PDE11A: variants seen among roughly 807,000 people sequenced by gnomAD.
PDE11A encodes dual 3',5'-cyclic-AMP and -GMP phosphodiesterase 11A.
A neutral mutation model predicts 100.5 loss-of-function variants in PDE11A; 100 were observed. The ratio of observed to expected loss-of-function variants is 1.00; its 90% CI spans 0.85 to 1.18. The LOEUF is 1.18. Among genes scored for constraint, PDE11A ranks in the 50% most tolerant of loss-of-function variants. The probability of loss-of-function intolerance (pLI) is 0.00; values close to 1 mark genes in which losing one functional copy is unlikely to be tolerated. For missense variants in PDE11A, 1,141 were observed against 1,152.6 expected (o/e 0.99, Z 0.15); for synonymous variants, 381 against 420.8 (o/e 0.91, Z 1.16).
intron 4 of PDE11A, among the ~76,000 whole-genome samples, chr2:177,889,831 T>C (rs1433470804): frequency 1.3e-5 from 2 of 152,176 alleles, no homozygotes; most frequent in African/African-American, 4.8e-5. Flanking sequence ...GAGATCTTAT[T>C]ATTTTTTATC....
intron 5 of PDE11A, among the ~76,000 whole-genome samples, chr2:177,873,041 C>T (rs894019274): frequency 1.3e-5 from 2 of 152,116 alleles, no homozygotes; most frequent in African/African-American, 4.8e-5. Context: ...AAAACCTGAC[C>T]TTTCTTTCTG....
chr2:178,056,406 T>C (rs2086899883), intron 1 of PDE11A, among the ~76,000 whole-genome samples: 1 of 152,178 alleles, frequency 6.6e-6, no homozygotes, highest in East Asian at 1.9e-4. Context: ...GATACCAGGC[T>C]AAGAGATATA....
upstream of PDE11A, among the ~76,000 whole-genome samples, chr2:178,075,016 T>C (rs1394428947): frequency 6.6e-6 from 1 of 152,058 alleles, no homozygotes; most frequent in Non-Finnish European, 1.5e-5. Flanking sequence ...TTAGTCATAG[T>C]CCCAACAGGA....
chr2:178,049,556 G>A (rs1286255649), intron 1 of PDE11A, among the ~76,000 whole-genome samples: 1 of 152,210 alleles, frequency 6.6e-6, no homozygotes, highest in Non-Finnish European at 1.5e-5. Flanking sequence ...GCAAGGCATC[G>A]CCTCACCTGG....
intron 1 of PDE11A, among the ~76,000 whole-genome samples, chr2:178,027,096 T>C (rs1264190863): frequency 6.6e-6 from 1 of 152,176 alleles, no homozygotes; most frequent in Non-Finnish European, 1.5e-5. Flanking sequence ...CTAATGAGAA[T>C]ATAAATTAGT....
intron 2 of PDE11A, among the ~76,000 whole-genome samples, chr2:177,908,463 T>C (rs2084825467): frequency 6.6e-6 from 1 of 152,096 alleles, no homozygotes; most frequent in East Asian, 1.9e-4. Context: ...TGTCAGCAGG[T>C]AGCAGGGCCC....
At chr2:177,674,617 TC>T (rs1160700678) in intron 17 of PDE11A, among the ~76,000 whole-genome samples, 2 of 152,228 alleles carry the variant, frequency 1.3e-5, no homozygotes, top group Non-Finnish European at 2.9e-5. Flanking sequence ...GCAAAGATAC[TC>T]TTTCCTTTCA....
chr2:177,647,405 C>T (rs1207962354), intron 19 of PDE11A, among the ~76,000 whole-genome samples: 1 of 152,130 alleles, frequency 6.6e-6, no homozygotes, highest in African/African-American at 2.4e-5. Flanking sequence ...GTGAATGGTG[C>T]TCGGTGTAAG....
At chr2:177,877,953 T>C (rs989236833) in intron 4 of PDE11A, among the ~76,000 whole-genome samples, 1 of 152,126 alleles carries the variant, frequency 6.6e-6, no homozygotes, top group African/African-American at 2.4e-5. Context: ...TACAAGGAAT[T>C]GATGAGCACC....
In PDE11A at chr2:177,625,470, C is replaced by G. The variant is rs2079818502; in HGVS notation, c.*3937G>C. The G allele has an allele frequency of 1.3e-5, 2 of 152,544 alleles. No homozygotes were observed. Among genetic ancestry groups the G allele is most frequent in the Admixed American group, 1.3e-4 (2 of 15,286 alleles). The allele number at this position is 152,544 out of a possible 1,614,324, so 9.4% of individuals were successfully genotyped here. Reference sequence around the variant, plus strand: ...CCCTTTGCAGTATGTGAAGCTGTCCCTACCCACCAGGATTGCCACTACATT... The same window carrying G: ...CCCTTTGCAGTATGTGAAGCTGTCCGTACCCACCAGGATTGCCACTACATT... On this transcript the variant is annotated 3_prime_UTR_variant, in exon 20 of 20. Transcript: ENST00000286063.
intron 19 of PDE11A, among the ~76,000 whole-genome samples, chr2:177,631,546 T>TATAC (rs1553529169): frequency 6.0e-5 from 1 of 16,620 alleles, no homozygotes; most frequent in African/African-American, 1.6e-4. Context: ...TATATATATA[T>TATAC]ACACATGTAT....
intron 2 of PDE11A, among the ~76,000 whole-genome samples, chr2:177,994,297 T>C (rs1574329430): frequency 6.6e-6 from 1 of 152,088 alleles, no homozygotes; most frequent in East Asian, 1.9e-4. Flanking sequence ...AGAGTAAACA[T>C]AAAAAGCTGT....
At chr2:177,787,540 A>C (rs866429351) in intron 9 of PDE11A, among the ~76,000 whole-genome samples, 1 of 152,064 alleles carries the variant, frequency 6.6e-6, no homozygotes. Context: ...AAATAACAAT[A>C]TTAACTTTAA....
At chr2:177,671,590 A>G (rs2080682943) in intron 17 of PDE11A, among the ~76,000 whole-genome samples, 2 of 152,130 alleles carry the variant, frequency 1.3e-5, no homozygotes, top group South Asian at 2.1e-4. Context: ...TAAAAAAAAA[A>G]AAATTTAACC....
At chr2:177,696,712 T>A (rs949051740) in intron 15 of PDE11A, among the ~76,000 whole-genome samples, 5 of 151,958 alleles carry the variant, frequency 3.3e-5, no homozygotes, top group African/African-American at 1.2e-4. Context: ...AAATGAAAAA[T>A]TTTTTTAAGG....
intron 2 of PDE11A, among the ~76,000 whole-genome samples, chr2:177,919,825 G>A (rs2085014121): frequency 6.6e-6 from 1 of 152,006 alleles, no homozygotes; most frequent in Admixed American, 6.5e-5. Flanking sequence ...AGTGAAAAAT[G>A]TTTAACAATA....
At chr2:178,032,458 T>A (rs1411758026) in intron 1 of PDE11A, among the ~76,000 whole-genome samples, 1 of 146,832 alleles carries the variant, frequency 6.8e-6, no homozygotes, top group Non-Finnish European at 1.5e-5. Flanking sequence ...CACTCTAGCC[T>A]GGGCAACAGA....
rs1309072342 is a variant in PDE11A, at chr2:177,625,693, A to C, written c.*3714T>G. The C allele has an allele frequency of 1.3e-5, 2 of 152,280 alleles. No individual in the cohort carries two copies. The highest frequency in any genetic ancestry group is 2.9e-5 in the Non-Finnish European group (2 of 68,052). 9.4% of individuals were successfully genotyped at this position (152,280 alleles called of 1,614,324 possible). ...AAATGTCTTTCTCCAATAGGAAATA[A>C]ACATTAATAATAAGGACTGGGAAAC... On this transcript the variant is annotated 3_prime_UTR_variant, in exon 20 of 20. Transcript: ENST00000286063.
At chr2:177,863,517 C>CA (rs2083978352) in intron 5 of PDE11A, among the ~76,000 whole-genome samples, 1 of 151,866 alleles carries the variant, frequency 6.6e-6, no homozygotes, top group Non-Finnish European at 1.5e-5. Flanking sequence ...CAAAAATGGG[C>CA]AAAAAATCAG....
Sources: gnomAD v4.1 joint callset for allele counts (sites outside exome capture counted in the v4.1 genomes callset) on GRCh38, gnomAD v4.1.1 for gene constraint, MANE v1.5 for transcripts, NCBI Gene and HGNC (gene_info 2026-07-23, HGNC 2026-07-21) for gene names.